The following ADAM32 variants were observed in gnomAD, a reference collection of about 807,000 sequenced individuals.
The protein encoded by ADAM32 is ADAM metallopeptidase domain 32, also known as disintegrin and metalloproteinase domain-containing protein 32.
In ADAM32, 89 loss-of-function variants were observed where a neutral mutation model predicts 114.9. The observed-to-expected ratio is 0.77, with a 90% CI of 0.65 to 0.92. The LOEUF (loss-of-function observed/expected upper bound fraction) is 0.92, where lower values mean the gene tolerates loss of function less well. Ranked by LOEUF, ADAM32 falls within the 40% of genes least tolerant of loss-of-function variation. The probability of loss-of-function intolerance (pLI) is 0.00; values close to 1 mark genes in which losing one functional copy is unlikely to be tolerated. For synonymous variants in ADAM32, 285 were observed against 307.5 expected (o/e 0.93, Z 0.77); for missense variants, 870 against 932.8 (o/e 0.93, Z 0.88).
chr8:39,128,103 A>C (rs980334205), intron 2 of ADAM32, among the ~76,000 whole-genome samples: 27 of 152,086 alleles, frequency 1.8e-4, no homozygotes, highest in Non-Finnish European at 4.0e-4. Context: ...TGATCTGTCT[A>C]ATATTGACAG....
intron 11 of ADAM32, among the ~76,000 whole-genome samples, chr8:39,187,525 C>A (rs370687556): frequency 6.6e-6 from 1 of 152,230 alleles, no homozygotes; most frequent in Non-Finnish European, 1.5e-5. Context: ...CCCGCCTCGG[C>A]CTCCCAAAGT....
At chr8:39,170,434 T>C (rs1410722110) in intron 10 of ADAM32, among the ~76,000 whole-genome samples, 3 of 152,240 alleles carry the variant, frequency 2.0e-5, no homozygotes, top group African/African-American at 7.2e-5. Context: ...TTTATGTGTA[T>C]TTTAAGCATT....
At chr8:39,240,141 C>T (rs555692315) in intron 16 of ADAM32, among the ~76,000 whole-genome samples, 11 of 152,318 alleles carry the variant, frequency 7.2e-5, no homozygotes, top group Admixed American at 2.0e-4. Flanking sequence ...TTCATCAGCA[C>T]ATGGAACATA....
chr8:39,121,385 G>A (rs114971744), intron 2 of ADAM32, among the ~76,000 whole-genome samples: 1,793 of 152,118 alleles, frequency 0.012, 36 homozygotes, highest in African/African-American at 0.04. Context: ...TCACTCATAA[G>A]TAGGAGTCGA....
chr8:39,204,435 C>G (rs1476830855), intron 11 of ADAM32, among the ~76,000 whole-genome samples: 1 of 152,224 alleles, frequency 6.6e-6, no homozygotes, highest in African/African-American at 2.4e-5. Flanking sequence ...GCTACTGAAG[C>G]TTGTGCATTT....
intron 16 of ADAM32, among the ~76,000 whole-genome samples, chr8:39,237,711 A>G (rs920016985): frequency 1.3e-5 from 2 of 152,140 alleles, no homozygotes; most frequent in African/African-American, 2.4e-5. Flanking sequence ...CCAATCCACC[A>G]CAACGGCCAT....
At chr8:39,233,437 G>A (rs1809879295) in intron 15 of ADAM32, among the ~76,000 whole-genome samples, 1 of 152,146 alleles carries the variant, frequency 6.6e-6, no homozygotes, top group Admixed American at 6.6e-5. Context: ...GCATGCTAAT[G>A]CATTATAATT....
rs566226288 is a variant in ADAM32 at position 39,160,232 on chromosome 8, G to A, written c.526-665G>A. On this transcript the variant is annotated intron_variant, in intron 6 of 24. Coordinates refer to ENST00000379907, the MANE Select transcript of ADAM32 (RefSeq NM_145004.7). ...ACCTCTTGATGACAGGCACTGAAAAGTCATATTGCAAAGGACACAAATACA... is the reference window on the plus strand; with the variant it reads ...ACCTCTTGATGACAGGCACTGAAAAATCATATTGCAAAGGACACAAATACA... Among the ~76,000 whole-genome samples the A allele has an allele frequency of 3.3e-4, 51 of 152,306 alleles. 1 individual carries two copies. In the South Asian group the frequency reaches 5.4e-3, roughly 16 times the overall value.
intron 11 of ADAM32, among the ~76,000 whole-genome samples, chr8:39,200,000 T>C (rs1288162092): frequency 1.3e-5 from 2 of 152,352 alleles, no homozygotes; most frequent in East Asian, 3.9e-4. Context: ...ATGTGCCACA[T>C]TTTCTTAATC....
intron 22 of ADAM32, among the ~76,000 whole-genome samples, chr8:39,279,220 T>C (rs1215333272): frequency 6.6e-6 from 1 of 152,234 alleles, no homozygotes; most frequent in Non-Finnish European, 1.5e-5. Flanking sequence ...TCTCATTCTT[T>C]CTCTTTTTTC....
chr8:39,262,142 A>T (rs1230783430), intron 19 of ADAM32, among the ~76,000 whole-genome samples: 1 of 148,256 alleles, frequency 6.7e-6, no homozygotes, highest in South Asian at 2.1e-4. Context: ...CATTTCTCCT[A>T]TGTTTTCTTC....
chr8:39,197,204 A>G (rs941866178), intron 11 of ADAM32, among the ~76,000 whole-genome samples: 1 of 151,836 alleles, frequency 6.6e-6, no homozygotes, highest in African/African-American at 2.4e-5. Context: ...ATCATTATTT[A>G]ATTTATTGGG....
intron 12 of ADAM32, chr8:39,221,395 G>A (rs1485683647): frequency 1.0e-5 from 5 of 486,644 alleles, no homozygotes; most frequent in Non-Finnish European, 3.7e-6. Context: ...ATAGTCCAGA[G>A]GAAGGTAAGT....
intron 22 of ADAM32, among the ~76,000 whole-genome samples, chr8:39,276,577 C>T (rs1246793828): frequency 6.6e-6 from 1 of 152,142 alleles, no homozygotes; most frequent in Non-Finnish European, 1.5e-5. Context: ...CTGCTGTTCC[C>T]AAACACATCC....
intron 1 of ADAM32, among the ~76,000 whole-genome samples, chr8:39,114,247 C>G (rs1044981919): frequency 6.6e-6 from 1 of 152,206 alleles, no homozygotes; most frequent in African/African-American, 2.4e-5. Context: ...TTTCCCCTCC[C>G]CTGGGCATAG....
intron 11 of ADAM32, among the ~76,000 whole-genome samples, chr8:39,201,675 G>A (rs1807424045): frequency 6.6e-6 from 1 of 152,176 alleles, no homozygotes; most frequent in Admixed American, 6.5e-5. Flanking sequence ...TTGAATACGA[G>A]TGGTAAGAGA....
intron 12 of ADAM32, among the ~76,000 whole-genome samples, chr8:39,218,328 G>T (rs1808728162): frequency 6.6e-6 from 1 of 151,998 alleles, no homozygotes; most frequent in Non-Finnish European, 1.5e-5. Flanking sequence ...AGTCAGCATG[G>T]CACTGGGTCT....
At chr8:39,186,612 A>G (rs1806260717) in intron 10 of ADAM32, among the ~76,000 whole-genome samples, 1 of 152,224 alleles carries the variant, frequency 6.6e-6, no homozygotes, top group Non-Finnish European at 1.5e-5. Context: ...TATAACCAAC[A>G]GTGTAATGTA....
rs1351919448 is a variant in ADAM32 at position 39,149,815 on chromosome 8, A to G, written c.301A>G (p.Ile101Val). The G allele has an allele frequency of 6.2e-7, 1 of 1,611,708 alleles. No individual in the cohort carries two copies. The highest frequency in any genetic ancestry group is 8.5e-7 in the Non-Finnish European group (1 of 1,178,638). ...IQTQCYYQGN[I>V]EGYPDSMVTL... is the part of the protein sequence containing the mutation. ...GACTCAATGCTACTATCAAGGAAAT[A>G]TTGAAGGATATCCAGATTCCATGGT... The change falls in exon 5 of 25, where the codon ATT (isoleucine) becomes GTT (valine). Residue 101 changes from isoleucine (I) to valine (V), a missense_variant. Ile to Val is a conservative substitution (Grantham distance 29, BLOSUM62 3). Transcript: ENST00000379907.
Sources: allele counts gnomAD v4.1 joint callset (sites outside exome capture counted in the v4.1 genomes callset), GRCh38; gene constraint gnomAD v4.1.1; transcripts MANE v1.5; gene names NCBI Gene and HGNC (gene_info 2026-07-23, HGNC 2026-07-21).